The following CADPS2 variants were observed in gnomAD, a reference collection of about 807,000 sequenced individuals.
CADPS2 encodes calcium dependent secretion activator 2.
A neutral mutation model predicts 172.5 loss-of-function variants in CADPS2; 93 were observed. The observed-to-expected ratio is 0.54, with a 90% CI of 0.46 to 0.64. The LOEUF (loss-of-function observed/expected upper bound fraction) is 0.64. Ranked by LOEUF, CADPS2 falls within the 30% of genes least tolerant of loss-of-function variation. CADPS2 has a pLI of 0.00. For synonymous variants in CADPS2, 546 were observed against 555.2 expected (o/e 0.98, Z 0.23); for missense variants, 1,420 against 1,565.9 (o/e 0.91, Z 1.57).
chr7:122,588,245 G>T (rs2070104343), intron 6 of CADPS2, among the ~76,000 whole-genome samples: 1 of 151,940 alleles, frequency 6.6e-6, no homozygotes. Flanking sequence ...TTTTACTTCT[G>T]TTGCAATGGC....
intron 2 of CADPS2, among the ~76,000 whole-genome samples, chr7:122,683,133 G>C (rs2083240472): frequency 6.6e-6 from 1 of 152,182 alleles, no homozygotes; most frequent in East Asian, 1.9e-4. Flanking sequence ...GATGGAAGTG[G>C]TTCTTGGCGG....
chr7:122,443,909 T>C (rs943764186), intron 15 of CADPS2, among the ~76,000 whole-genome samples: 9 of 152,046 alleles, frequency 5.9e-5, no homozygotes, highest in South Asian at 4.1e-4. Flanking sequence ...ATTTAAAATA[T>C]ATGGTTTGGT....
chr7:122,544,360 G>C (rs1044549067), intron 8 of CADPS2, among the ~76,000 whole-genome samples: 7 of 152,086 alleles, frequency 4.6e-5, no homozygotes, highest in African/African-American at 1.4e-4. Flanking sequence ...AATTGAATAG[G>C]ATTTTGTAAG....
intron 2 of CADPS2, among the ~76,000 whole-genome samples, chr7:122,735,789 C>G (rs1562894807): frequency 6.6e-6 from 1 of 152,088 alleles, no homozygotes; most frequent in Non-Finnish European, 1.5e-5. Flanking sequence ...GCTACATTTC[C>G]TTCATCCCAA....
chr7:122,810,597 T>C (rs528580071), intron 1 of CADPS2, among the ~76,000 whole-genome samples: 1 of 152,266 alleles, frequency 6.6e-6, no homozygotes, highest in East Asian at 1.9e-4. Context: ...AATAATGTAA[T>C]AATGTTTAAG....
intron 2 of CADPS2, among the ~76,000 whole-genome samples, chr7:122,691,648 A>G (rs1413658555): frequency 1.3e-5 from 2 of 152,172 alleles, no homozygotes; most frequent in Non-Finnish European, 2.9e-5. Context: ...CAGTGACACT[A>G]TGAAAGTCCA....
chr7:122,836,648 C>T (rs1002549682), intron 1 of CADPS2, among the ~76,000 whole-genome samples: 2 of 152,112 alleles, frequency 1.3e-5, no homozygotes, highest in Non-Finnish European at 2.9e-5. Context: ...ATAAAACAGA[C>T]TTTAAACCAA....
intron 1 of CADPS2, among the ~76,000 whole-genome samples, chr7:122,867,130 T>C (rs1353121132): frequency 3.3e-5 from 5 of 152,192 alleles, no homozygotes; most frequent in Admixed American, 3.3e-4. Context: ...AGGCTTGCCC[T>C]GACCACCCTA....
intron 7 of CADPS2, among the ~76,000 whole-genome samples, chr7:122,569,165 TA>T (rs1457338240): frequency 6.6e-6 from 1 of 152,162 alleles, no homozygotes; most frequent in African/African-American, 2.4e-5. Flanking sequence ...CTTAAGCTGA[TA>T]AGCAACTTCA....
At chr7:122,367,710 ATTTTTTTTTTTTTT>A (rs57790964) in intron 25 of CADPS2, among the ~76,000 whole-genome samples, 2 of 60,146 alleles carry the variant, frequency 3.3e-5, no homozygotes. Context: ...TGCCCAGCTA[ATTTTTTTTTTTTTT>A]TTTTTTTTTT....
At chr7:122,683,221 C>T (rs1202766728) in intron 2 of CADPS2, among the ~76,000 whole-genome samples, 3 of 152,222 alleles carry the variant, frequency 2.0e-5, no homozygotes, top group Non-Finnish European at 4.4e-5. Flanking sequence ...TTAGCCACAT[C>T]TATCTGTAGT....
At chr7:122,662,830 T>A (rs185729269) in intron 3 of CADPS2, among the ~76,000 whole-genome samples, 113 of 152,302 alleles carry the variant, frequency 7.4e-4, no homozygotes, top group African/African-American at 2.7e-3. Context: ...ATTACTTCCA[T>A]ACAACTCAGA....
intron 25 of CADPS2, among the ~76,000 whole-genome samples, chr7:122,368,458 G>A (rs2041273268): frequency 6.6e-6 from 1 of 152,160 alleles, no homozygotes; most frequent in Non-Finnish European, 1.5e-5. Context: ...TGGCTCTGCT[G>A]ACATCTATTG....
intron 3 of CADPS2, among the ~76,000 whole-genome samples, chr7:122,647,215 G>T (rs2078660984): frequency 6.6e-6 from 1 of 151,570 alleles, no homozygotes; most frequent in Non-Finnish European, 1.5e-5. Flanking sequence ...TTTTACTACA[G>T]TTTTTTTTTC....
chr7:122,806,981 T>C (rs140231676), intron 1 of CADPS2, among the ~76,000 whole-genome samples: 28 of 152,326 alleles, frequency 1.8e-4, no homozygotes, highest in African/African-American at 6.3e-4. Flanking sequence ...ACACTAGAAG[T>C]AAGCATTCCT....
At chr7:122,742,584 TC>T (rs1202834936) in intron 1 of CADPS2, among the ~76,000 whole-genome samples, 1 of 152,148 alleles carries the variant, frequency 6.6e-6, no homozygotes, top group African/African-American at 2.4e-5. Flanking sequence ...GAGGGCCACT[TC>T]CCACATTCTA....
At chr7:122,596,288 G>T (rs78558191) in intron 6 of CADPS2, among the ~76,000 whole-genome samples, 277 of 152,210 alleles carry the variant, frequency 1.8e-3, no homozygotes, top group African/African-American at 6.2e-3. Flanking sequence ...GCTCCATCAA[G>T]AATTTAAAGG....
chr7:122,719,549 C>T (rs527690871), intron 2 of CADPS2, among the ~76,000 whole-genome samples: 5 of 152,190 alleles, frequency 3.3e-5, no homozygotes, highest in South Asian at 2.1e-4. Flanking sequence ...CTAACATGCA[C>T]GAGCAGAGGT....
chr7:122,627,520 G>A (rs1375363499), intron 4 of CADPS2, among the ~76,000 whole-genome samples: 1 of 152,104 alleles, frequency 6.6e-6, no homozygotes, highest in Non-Finnish European at 1.5e-5. Context: ...TCAAGGAGAA[G>A]CCTTTGTGTG....
Sources: gnomAD v4.1 joint callset for allele counts (sites outside exome capture counted in the v4.1 genomes callset) on GRCh38, gnomAD v4.1.1 for gene constraint, MANE v1.5 for transcripts, NCBI Gene and HGNC (gene_info 2026-07-23, HGNC 2026-07-21) for gene names.